Variants in COG5 observed in about 807,000 individuals in gnomAD.
COG5 encodes conserved oligomeric Golgi complex subunit 5.
Under a neutral mutation model 110.4 loss-of-function variants are expected in COG5, and 86 were observed. That is an observed-to-expected ratio of 0.78 (90% CI 0.65 to 0.93). The LOEUF (loss-of-function observed/expected upper bound fraction) is 0.93. Ranked by LOEUF, COG5 falls within the 40% of genes least tolerant of loss-of-function variation. The pLI is 0.00. For synonymous variants in COG5, 360 were observed against 334.6 expected (o/e 1.08, Z -0.83); for missense variants, 1,077 against 987.0 (o/e 1.09, Z -1.22).
intron 6 of COG5, among the ~76,000 whole-genome samples, chr7:107,439,306 T>C (rs1259196499): frequency 6.6e-6 from 1 of 152,102 alleles, no homozygotes; most frequent in Non-Finnish European, 1.5e-5. Context: ...GAAATTTACA[T>C]CCTTTTCCAG....
chr7:107,514,743 C>G (rs1799798310), intron 6 of COG5, among the ~76,000 whole-genome samples: 1 of 152,098 alleles, frequency 6.6e-6, no homozygotes, highest in Non-Finnish European at 1.5e-5. Context: ...TCTGGAATAG[C>G]ACATAGCACA....
chr7:107,288,006 G>A (rs935431657), intron 12 of COG5, among the ~76,000 whole-genome samples: 1 of 152,130 alleles, frequency 6.6e-6, no homozygotes, highest in Non-Finnish European at 1.5e-5. Context: ...GTGAACATAT[G>A]TTTTTATTTC....
intron 8 of COG5, among the ~76,000 whole-genome samples, chr7:107,369,792 T>C (rs1202787854): frequency 3.9e-5 from 6 of 152,184 alleles, no homozygotes; most frequent in Admixed American, 1.3e-4. Flanking sequence ...AGAGATAAAA[T>C]TGATAAAATT....
chr7:107,448,153 C>G (rs529654267), intron 6 of COG5, among the ~76,000 whole-genome samples: 1 of 152,128 alleles, frequency 6.6e-6, no homozygotes, highest in Admixed American at 6.5e-5. Flanking sequence ...AAGACTCTGT[C>G]TCAAAAATAA....
chr7:107,298,312 T>C lies in COG5; in HGVS notation c.1143A>G (p.Glu381=). 2 of 1,613,664 alleles carry C rather than the reference T, an allele frequency of 1.2e-6. No individual in the cohort carries two copies. Among genetic ancestry groups the C allele is most frequent in the East Asian group, 2.2e-5 (1 of 44,800 alleles). The change falls in exon 12 of 22, where the codon GAA becomes GAG. Residue 381 remains glutamate (E), a synonymous_variant. Transcript: ENST00000297135. The part of the protein sequence containing the change: ...SMFLKQAFEG[E]YPKLLRLYND... ...TATAAAGACGTAATAATTTAGGGTA[T>C]TCTCCTTCAAATGCCTGCTTCAAAA...
chr7:107,543,366 A>T (rs929395348), intron 5 of COG5, among the ~76,000 whole-genome samples: 3 of 152,146 alleles, frequency 2.0e-5, no homozygotes, highest in African/African-American at 2.4e-5. Flanking sequence ...TGAGCACTGG[A>T]CTTTGCCTCA....
intron 6 of COG5, among the ~76,000 whole-genome samples, chr7:107,496,563 G>C (rs1049291204): frequency 4.0e-5 from 6 of 151,808 alleles, no homozygotes; most frequent in African/African-American, 1.5e-4. Flanking sequence ...GGGAGGCTGA[G>C]GCATGAGAAC....
chr7:107,429,431 G>C (rs918109325), intron 6 of COG5, among the ~76,000 whole-genome samples: 10 of 151,634 alleles, frequency 6.6e-5, no homozygotes, highest in Admixed American at 6.6e-4. Context: ...CTTCTCTGGA[G>C]AAACGCCTAT....
intron 6 of COG5, among the ~76,000 whole-genome samples, chr7:107,492,167 T>TTGTGTGTGTG (rs1798010608): frequency 3.8e-5 from 3 of 78,504 alleles, no homozygotes; most frequent in African/African-American, 1.0e-4. Context: ...CAACAATGGG[T>TTGTGTGTGTG]AGTGTGTGTG....
At chr7:107,561,958 A>G (rs1168117395) in intron 1 of COG5, among the ~76,000 whole-genome samples, 1 of 151,998 alleles carries the variant, frequency 6.6e-6, no homozygotes, top group Non-Finnish European at 1.5e-5. Context: ...CCTGGGCAAC[A>G]GCGCGAGACT....
chr7:107,231,903 G>A (rs1800801374), intron 18 of COG5, among the ~76,000 whole-genome samples: 1 of 152,124 alleles, frequency 6.6e-6, no homozygotes. Context: ...TTGTGTATAT[G>A]TCCACATATA....
At chr7:107,415,321 C>T (rs1002833392) in intron 6 of COG5, among the ~76,000 whole-genome samples, 5 of 151,928 alleles carry the variant, frequency 3.3e-5, no homozygotes, top group African/African-American at 1.2e-4. Flanking sequence ...GATATGGAGG[C>T]AAATACTAAA....
chr7:107,259,435 G>T (rs1803147464), intron 14 of COG5, among the ~76,000 whole-genome samples: 2 of 152,088 alleles, frequency 1.3e-5, no homozygotes, highest in African/African-American at 4.8e-5. Context: ...CAATAATGTG[G>T]TGAACTAATA....
chr7:107,404,950 C>A (rs1791714243), intron 7 of COG5, among the ~76,000 whole-genome samples: 1 of 144,754 alleles, frequency 6.9e-6, no homozygotes, highest in Non-Finnish European at 1.5e-5. Flanking sequence ...TGCTGAAGGA[C>A]CAGTTTAGAT....
chr7:107,371,525 A>C (rs991319913), intron 8 of COG5, among the ~76,000 whole-genome samples: 1 of 152,206 alleles, frequency 6.6e-6, no homozygotes, highest in Non-Finnish European at 1.5e-5. Flanking sequence ...TTATTAATTC[A>C]ATATGAGTTA....
Position 107,362,299 on chromosome 7 carries a change from A to G in COG5, c.948+9T>C. 2 of 1,587,158 alleles carry G rather than the reference A, an allele frequency of 1.3e-6. No individual in the cohort carries two copies. Among genetic ancestry groups the G allele is most frequent in the Non-Finnish European group, 8.7e-7 (1 of 1,155,834 alleles). On this transcript the variant is annotated intron_variant, in intron 9 of 21. Transcript: ENST00000297135. ...TATTAATGTTTTTTCCACTCCTTCAAATATTTACCTGTCCACAAACAGCAT... is the reference window on the plus strand; with the variant it reads ...TATTAATGTTTTTTCCACTCCTTCAGATATTTACCTGTCCACAAACAGCAT...
intron 5 of COG5, among the ~76,000 whole-genome samples, chr7:107,542,705 C>G (rs755224142): frequency 1.3e-5 from 2 of 152,142 alleles, no homozygotes; most frequent in Non-Finnish European, 2.9e-5. Flanking sequence ...CATGGTGGCT[C>G]ACGCCTGTAA....
chr7:107,485,908 G>C (rs137910621), intron 6 of COG5, among the ~76,000 whole-genome samples: 25 of 152,198 alleles, frequency 1.6e-4, no homozygotes, highest in African/African-American at 6.0e-4. Flanking sequence ...AAAACAAATG[G>C]CACTGGAAAT....
At chr7:107,552,399 T>C (rs2070722165) in intron 3 of COG5, among the ~76,000 whole-genome samples, 1 of 152,092 alleles carries the variant, frequency 6.6e-6, no homozygotes, top group Non-Finnish European at 1.5e-5. Flanking sequence ...AAAGGTCTAA[T>C]ATCCAGAATT....
Sources: allele counts gnomAD v4.1 joint callset (sites outside exome capture counted in the v4.1 genomes callset), GRCh38; gene constraint gnomAD v4.1.1; transcripts MANE v1.5; gene names NCBI Gene and HGNC (gene_info 2026-07-23, HGNC 2026-07-21).